Variants in MED12L observed in about 807,000 individuals in gnomAD.
MED12L encodes mediator complex subunit 12L.
Under a neutral mutation model 281.3 loss-of-function variants are expected in MED12L, and 60 were observed. That is an observed-to-expected ratio of 0.21 (90% CI 0.17 to 0.26). MED12L has a LOEUF of 0.26. Among genes scored for constraint, MED12L ranks in the 10% least tolerant of loss-of-function variants. The pLI is 1.00. For synonymous variants in MED12L, 974 were observed against 987.2 expected (o/e 0.99, Z 0.25); for missense variants, 2,146 against 2,680.9 (o/e 0.80, Z 4.41).
chr3:151,122,938 A>C lies in MED12L; in HGVS notation c.360A>C (p.Leu120Phe), dbSNP rs1668404514. Residue 120 changes from leucine (L) to phenylalanine (F), a missense_variant, in exon 4 of 45, where the codon TTA becomes TTC. Transcript: ENST00000687756. ...QSAIHSWFSD[L>F]AGNKPLSILA... Reference sequence around the variant, plus strand: ...CAATTCATAGTTGGTTTTCTGACTTAGCAGGAAATAAGCCACTTTCTATTT... The same window carrying C: ...CAATTCATAGTTGGTTTTCTGACTTCGCAGGAAATAAGCCACTTTCTATTT... The C allele has an allele frequency of 6.2e-7, 1 of 1,609,012 alleles. No homozygotes were observed. Among genetic ancestry groups the C allele is most frequent in the East Asian group, 2.2e-5 (1 of 44,822 alleles).
intron 16 of MED12L, among the ~76,000 whole-genome samples, chr3:151,311,493 G>A (rs1747510071): frequency 6.6e-6 from 1 of 151,898 alleles, no homozygotes; most frequent in African/African-American, 2.4e-5. Flanking sequence ...CTTTTAAATG[G>A]CATTTACTAT....
At chr3:151,313,312 T>C (rs1172443418) in intron 16 of MED12L, among the ~76,000 whole-genome samples, 2 of 152,202 alleles carry the variant, frequency 1.3e-5, no homozygotes, top group African/African-American at 4.8e-5. Context: ...TGGCCATTTA[T>C]CTACTGTAGT....
At chr3:151,277,362 AT>A (rs1399485180) in intron 16 of MED12L, among the ~76,000 whole-genome samples, 1 of 152,218 alleles carries the variant, frequency 6.6e-6, no homozygotes, top group Non-Finnish European at 1.5e-5. Flanking sequence ...ATCATAAAAT[AT>A]GCCATTTTGG....
At chr3:151,392,095 A>G (rs898053337) in intron 38 of MED12L, among the ~76,000 whole-genome samples, 2 of 152,224 alleles carry the variant, frequency 1.3e-5, no homozygotes, top group Admixed American at 1.3e-4. Context: ...GTAAAAGCAC[A>G]TAATCTCTCC....
chr3:151,199,096 A>G (rs745692929), intron 16 of MED12L: 2 of 1,613,986 alleles, frequency 1.2e-6, no homozygotes, highest in Non-Finnish European at 1.7e-6. Context: ...ATAAATACAT[A>G]TTGATATAGA....
intron 5 of MED12L, among the ~76,000 whole-genome samples, chr3:151,147,969 T>C (rs1327978962): frequency 6.6e-6 from 1 of 152,234 alleles, no homozygotes; most frequent in African/African-American, 2.4e-5. Context: ...ATTACATTTA[T>C]CATTTTATAT....
intron 39 of MED12L, among the ~76,000 whole-genome samples, chr3:151,401,194 C>T (rs1044277044): frequency 6.6e-6 from 1 of 150,774 alleles, no homozygotes; most frequent in African/African-American, 2.4e-5. Flanking sequence ...ATTCATTTAT[C>T]CTGTTGGATG....
intron 16 of MED12L, chr3:151,338,655 T>C: frequency 6.2e-7 from 1 of 1,613,894 alleles, no homozygotes; most frequent in African/African-American, 1.3e-5. Context: ...GACTGTGTTC[T>C]TAAGAAAAAT....
intron 16 of MED12L, among the ~76,000 whole-genome samples, chr3:151,283,012 A>T (rs1204546349): frequency 1.3e-5 from 2 of 152,200 alleles, no homozygotes; most frequent in Non-Finnish European, 2.9e-5. Flanking sequence ...CCTTTTTGTT[A>T]AACCTCTTGC....
intron 16 of MED12L, chr3:151,294,236 C>CTT: frequency 4.3e-6 from 7 of 1,613,590 alleles, no homozygotes; most frequent in Non-Finnish European, 5.9e-6. Context: ...TGATCTGATG[C>CTT]TTTCACTCCT....
At chr3:151,160,313 G>T (rs1041669601) in intron 8 of MED12L, among the ~76,000 whole-genome samples, 3 of 152,178 alleles carry the variant, frequency 2.0e-5, no homozygotes, top group African/African-American at 7.2e-5. Flanking sequence ...GAGTGTTATT[G>T]CAGTTGTCCT....
At chr3:151,368,462 A>G (rs1215253353) in intron 25 of MED12L, among the ~76,000 whole-genome samples, 1 of 152,134 alleles carries the variant, frequency 6.6e-6, no homozygotes, top group East Asian at 1.9e-4. Context: ...ATACGAATCA[A>G]GAGTTAGTAA....
At chr3:151,242,960 G>A (rs1339852500) in intron 16 of MED12L, among the ~76,000 whole-genome samples, 2 of 151,648 alleles carry the variant, frequency 1.3e-5, no homozygotes, top group Non-Finnish European at 2.9e-5. Context: ...CGAGAACTAC[G>A]TGAAGAATGC....
intron 16 of MED12L, among the ~76,000 whole-genome samples, chr3:151,322,169 AT>A (rs1263833207): frequency 6.6e-6 from 1 of 152,100 alleles, no homozygotes; most frequent in Admixed American, 6.6e-5. Flanking sequence ...CCTAACTAAT[AT>A]AAAAGCTGAT....
intron 5 of MED12L, among the ~76,000 whole-genome samples, chr3:151,146,732 AC>A (rs1282270834): frequency 6.6e-6 from 1 of 152,146 alleles, no homozygotes; most frequent in African/African-American, 2.4e-5. Context: ...TTAGAGGAAA[AC>A]TTTTTAAAAG....
intron 16 of MED12L, chr3:151,327,416 G>A (rs926801583): frequency 1.3e-5 from 2 of 152,198 alleles, no homozygotes; most frequent in Admixed American, 6.5e-5. Flanking sequence ...TTATTGTAAT[G>A]TGAAAGAGGC....
chr3:151,119,144 A>C (rs1713349601), intron 3 of MED12L, among the ~76,000 whole-genome samples: 2 of 152,232 alleles, frequency 1.3e-5, no homozygotes, highest in African/African-American at 4.8e-5. Flanking sequence ...AAACCTCTAT[A>C]TACAGCAGTT....
At chr3:151,160,572 A>G (rs1055430723) in intron 8 of MED12L, among the ~76,000 whole-genome samples, 7 of 152,194 alleles carry the variant, frequency 4.6e-5, no homozygotes, top group African/African-American at 1.7e-4. Flanking sequence ...CTGGGCTGAT[A>G]CTACCAGGAA....
At chr3:151,213,692 T>C (rs1727596660) in intron 16 of MED12L, 1 of 1,614,206 alleles carries the variant, frequency 6.2e-7, no homozygotes, top group Non-Finnish European at 8.5e-7. Context: ...TTCTTTGTGA[T>C]AGCAGTATAG....
Sources: gnomAD v4.1 joint callset for allele counts (sites outside exome capture counted in the v4.1 genomes callset) on GRCh38, gnomAD v4.1.1 for gene constraint, MANE v1.5 for transcripts, NCBI Gene and HGNC (gene_info 2026-07-23, HGNC 2026-07-21) for gene names.